Variants in DOK6 observed in about 807,000 individuals in gnomAD.
DOK6 encodes the protein docking protein 6, also known as downstream of tyrosine kinase 6.
A neutral mutation model predicts 44.0 loss-of-function variants in DOK6; 22 were observed. The observed-to-expected ratio is 0.50, with a 90% confidence interval of 0.36 to 0.71. The LOEUF is 0.71. DOK6 is among the 30% of genes least tolerant of loss of function. DOK6 has a pLI of 0.00. For synonymous variants in DOK6, 166 were observed against 145.5 expected, an observed-to-expected ratio of 1.14 and a Z score of -1.01; for missense variants, 340 against 416.4, an observed-to-expected ratio of 0.82 and a Z score of 1.60.
rs915024804 is a variant in DOK6 at position 69,762,440 on chromosome 18, G to A, written c.856+4567G>A. Among the ~76,000 whole-genome samples the A allele has an allele frequency of 2.6e-5, 4 of 152,128 alleles. No individual in the cohort carries two copies. In the East Asian group the frequency reaches 7.7e-4, roughly 29 times the overall value. ...TCTTCTTTACAAAAAGGAGAATATC[G>A]TCAGCCAACTGTCATCACTGATTTT... is the stretch of plus-strand genomic sequence containing the variant. On this transcript the variant is annotated intron_variant, in intron 7 of 7. Coordinates refer to ENST00000382713, the MANE Select transcript of DOK6 (RefSeq NM_152721.6).
intron 3 of DOK6, among the ~76,000 whole-genome samples, chr18:69,656,931 C>CT: frequency 6.6e-6 from 1 of 152,240 alleles, no homozygotes; most frequent in East Asian, 1.9e-4. Context: ...AGAATCCACT[C>CT]TAACAACCCT....
At chr18:69,424,605 T>A (rs1420193843) in intron 1 of DOK6, among the ~76,000 whole-genome samples, 1 of 147,794 alleles carries the variant, frequency 6.8e-6, no homozygotes, top group Non-Finnish European at 1.5e-5. Context: ...TTTAATAAAA[T>A]CAAATTTATT....
intron 1 of DOK6, among the ~76,000 whole-genome samples, chr18:69,508,181 A>C (rs1981249492): frequency 6.6e-6 from 1 of 152,156 alleles, no homozygotes; most frequent in Non-Finnish European, 1.5e-5. Flanking sequence ...TTCAATGTTG[A>C]ACCAGCCTTG....
At position 69,494,874 on chromosome 18, in the gene DOK6, G is replaced by A. The variant is rs79818358; in HGVS notation, c.67-69613G>A. On this transcript the variant is annotated intron_variant, in intron 1 of 7. Coordinates refer to ENST00000382713, the MANE Select transcript of DOK6 (RefSeq NM_152721.6). ...AACCTCTGTGGCCAGTGGCACCTTT[G>A]TGTGAGTTTTGCTTGGGCCCAATGG... Among the ~76,000 whole-genome samples, 1,114 of 152,292 alleles carry A rather than the reference G, an allele frequency of 7.3e-3. 18 individuals are homozygous for A. The highest frequency in any genetic ancestry group is 0.025 in the African/African-American group (1,053 of 41,552).
rs187247319 is a variant in DOK6 at position 69,700,068 on chromosome 18, G to A, written c.599+1475G>A. ...TCGTGAGACTTATTAACTACCATCAGAACAGCATGGGAGGAACTGCCCCCA... is the reference window on the plus strand; with the variant it reads ...TCGTGAGACTTATTAACTACCATCAAAACAGCATGGGAGGAACTGCCCCCA... On this transcript the variant is annotated intron_variant, in intron 5 of 7. Coordinates refer to ENST00000382713, the MANE Select transcript of DOK6 (RefSeq NM_152721.6). Among the ~76,000 whole-genome samples the A allele has an allele frequency of 1.1e-3, 166 of 152,014 alleles. 1 individual carries two copies. Among genetic ancestry groups the A allele is most frequent in the Non-Finnish European group, 1.8e-3 (119 of 67,986 alleles).
rs1224906685 is a variant in DOK6 at position 69,824,630 on chromosome 18, G to A, written c.857-16614G>A. Among the ~76,000 whole-genome samples the A allele has an allele frequency of 2.0e-5, 3 of 152,176 alleles. No homozygotes were observed. The East Asian group carries it at 5.8e-4, about 29-fold the overall frequency. ...CCCACCTTGGCCTCCCAAAGTGCTA[G>A]GATTACAAGTGTTAGCCACTGCACC... On this transcript the variant is annotated intron_variant, in intron 7 of 7. Transcript: ENST00000382713.
At chr18:69,818,249 C>T (rs539132236) in intron 7 of DOK6, among the ~76,000 whole-genome samples, 53 of 152,304 alleles carry the variant, frequency 3.5e-4, no homozygotes, top group South Asian at 1.0e-3. Flanking sequence ...AATGCAGTTC[C>T]TTCACATCTT....
At chr18:69,500,613 T>C (rs970673408) in intron 1 of DOK6, among the ~76,000 whole-genome samples, 4 of 152,190 alleles carry the variant, frequency 2.6e-5, no homozygotes, top group Non-Finnish European at 5.9e-5. Context: ...TAAACATTTA[T>C]TGAGTGAATA....
intron 1 of DOK6, among the ~76,000 whole-genome samples, chr18:69,540,817 T>G (rs1982248880): frequency 6.6e-6 from 1 of 152,224 alleles, no homozygotes; most frequent in South Asian, 2.1e-4. Flanking sequence ...GCATTTCACC[T>G]AAAGTTATTT....
chr18:69,749,321 A>G (rs549012807), intron 6 of DOK6, among the ~76,000 whole-genome samples: 96 of 152,344 alleles, frequency 6.3e-4, no homozygotes, highest in Non-Finnish European at 1.3e-3. Context: ...CATTTAAAAA[A>G]ATGAAGGAAC....
At position 69,657,274 on chromosome 18, in the gene DOK6, T is replaced by C. The variant is rs117186075; in HGVS notation, c.290-20460T>C. Among the ~76,000 whole-genome samples the C allele has an allele frequency of 1.6e-3, 247 of 152,332 alleles. 7 individuals are homozygous for C. The East Asian group carries it at 0.044, about 27-fold the overall frequency. On this transcript the variant is annotated intron_variant, in intron 3 of 7. Coordinates refer to ENST00000382713, the MANE Select transcript of DOK6 (RefSeq NM_152721.6). ...TCTCTGTTAGAATATTAAACCTCCC[T>C]TTCCATTAACTTGCGTCTGTCAGTG...
chr18:69,677,054 T>C (rs929839957), intron 3 of DOK6, among the ~76,000 whole-genome samples: 7 of 152,090 alleles, frequency 4.6e-5, no homozygotes, highest in Non-Finnish European at 8.8e-5. Flanking sequence ...CTACCCCAAT[T>C]TTTTTAAAAA....
At chr18:69,484,324 A>C (rs138114656) in intron 1 of DOK6, among the ~76,000 whole-genome samples, 2 of 150,620 alleles carry the variant, frequency 1.3e-5, no homozygotes, top group Non-Finnish European at 3.0e-5. Flanking sequence ...AAGGAATCCA[A>C]ATAAATGTTT....
intron 5 of DOK6, among the ~76,000 whole-genome samples, chr18:69,736,720 A>G (rs1978620434): frequency 6.6e-6 from 1 of 152,156 alleles, no homozygotes; most frequent in African/African-American, 2.4e-5. Flanking sequence ...CCTTTTTGAC[A>G]TATTTATTTA....
intron 1 of DOK6, among the ~76,000 whole-genome samples, chr18:69,502,748 T>C (rs534177879): frequency 3.9e-5 from 6 of 152,080 alleles, no homozygotes; most frequent in Non-Finnish European, 8.8e-5. Context: ...ATGCCATATA[T>C]GTATATCAGT....
chr18:69,447,853 G>A (rs954710243), intron 1 of DOK6, among the ~76,000 whole-genome samples: 1 of 152,178 alleles, frequency 6.6e-6, no homozygotes, highest in African/African-American at 2.4e-5. Flanking sequence ...CTTCCCTGGA[G>A]TTTGGTTATA....
At chr18:69,472,499 T>A (rs926816159) in intron 1 of DOK6, among the ~76,000 whole-genome samples, 2 of 152,190 alleles carry the variant, frequency 1.3e-5, no homozygotes, top group Admixed American at 1.3e-4. Context: ...GTCTGTTCAT[T>A]GTTGCAATAG....
chr18:69,657,998 C>T (rs1352781535), intron 3 of DOK6, among the ~76,000 whole-genome samples: 2 of 152,122 alleles, frequency 1.3e-5, no homozygotes, highest in Non-Finnish European at 2.9e-5. Context: ...ATTGCCCAGG[C>T]TGGAATGCAG....
At chr18:69,533,379 C>G (rs768980038) in intron 1 of DOK6, among the ~76,000 whole-genome samples, 1 of 152,046 alleles carries the variant, frequency 6.6e-6, no homozygotes, top group Non-Finnish European at 1.5e-5. Context: ...GTCATGTCCT[C>G]TATAATACAG....
Sources: allele counts gnomAD v4.1 joint callset (sites outside exome capture counted in the v4.1 genomes callset), GRCh38; gene constraint gnomAD v4.1.1; transcripts MANE v1.5; gene names NCBI Gene and HGNC (gene_info 2026-07-23, HGNC 2026-07-21).